CALD1: variants seen among roughly 807,000 people sequenced by gnomAD.
The protein encoded by CALD1 is caldesmon.
A neutral mutation model predicts 99.9 loss-of-function variants in CALD1; 33 were observed. That is an observed-to-expected ratio of 0.33 (90% CI 0.25 to 0.44). The LOEUF is 0.44. Among genes scored for constraint, CALD1 ranks in the 20% least tolerant of loss-of-function variants. CALD1 has a pLI of 1.00. For missense variants in CALD1, 861 were observed against 962.1 expected (o/e 0.89, Z 1.39); for synonymous variants, 310 against 325.0 (o/e 0.95, Z 0.50).
At chr7:134,728,059 G>A in the CALD1 span, among the ~76,000 whole-genome samples, 1 of 152,060 alleles carries the variant, frequency 6.6e-6, no homozygotes, top group South Asian at 2.1e-4. Context: ...CCTATTAAAT[G>A]CCAACTGATT....
chr7:134,917,708 G>A (rs1345653030), intron 3 of CALD1, among the ~76,000 whole-genome samples: 3 of 152,158 alleles, frequency 2.0e-5, no homozygotes, highest in African/African-American at 7.2e-5. Context: ...CTAGGTTGGG[G>A]ATGAAGAAAA....
At chr7:134,872,307 G>A (rs1038075188) in intron 3 of CALD1, among the ~76,000 whole-genome samples, 1 of 143,282 alleles carries the variant, frequency 7.0e-6, no homozygotes, top group Non-Finnish European at 1.5e-5. Context: ...GCAGTGAGCC[G>A]AGATTACGCC....
intron 3 of CALD1, among the ~76,000 whole-genome samples, chr7:134,900,594 C>T (rs1403147081): frequency 6.6e-6 from 1 of 152,088 alleles, no homozygotes; most frequent in African/African-American, 2.4e-5. Flanking sequence ...AAATAAGAAA[C>T]TGGGGCCCGA....
intron 12 of CALD1, 160 bp from the exon 13 acceptor site, chr7:134,960,373 A>G: frequency 1.5e-6 from 1 of 650,660 alleles, no homozygotes; most frequent in Non-Finnish European, 2.7e-6. Context: ...GTGAGTTACC[A>G]GGGAAAGAAA....
At chr7:134,855,409 T>C (rs1366009394) in intron 2 of CALD1, among the ~76,000 whole-genome samples, 2 of 152,200 alleles carry the variant, frequency 1.3e-5, no homozygotes, top group Non-Finnish European at 2.9e-5. Flanking sequence ...TTCCAAAGGA[T>C]CTCAAGAGAA....
intron 7 of CALD1, among the ~76,000 whole-genome samples, chr7:134,942,057 C>T (rs1418251169): frequency 6.6e-6 from 1 of 152,146 alleles, no homozygotes; most frequent in Non-Finnish European, 1.5e-5. Context: ...GTGCTCCTTC[C>T]CCACAAAACA....
At chr7:134,927,938 TTATAA>T (rs1398129784) in intron 3 of CALD1, 6 of 146,954 alleles carry the variant, frequency 4.1e-5, no homozygotes, top group East Asian at 1.9e-4. Flanking sequence ...ATAATATTTA[TTATAA>T]TATAATATTT....
intron 1 of CALD1, among the ~76,000 whole-genome samples, chr7:134,753,312 G>A (rs965245050): frequency 1.3e-5 from 2 of 152,048 alleles, no homozygotes; most frequent in Non-Finnish European, 2.9e-5. Context: ...AAAAAAATAG[G>A]TGTATCATCT....
chr7:134,729,272 T>C, the CALD1 span, among the ~76,000 whole-genome samples: 11 of 152,212 alleles, frequency 7.2e-5, no homozygotes, highest in African/African-American at 1.2e-4. Flanking sequence ...AGCCCTATCA[T>C]AGAGTAGTAT....
chr7:134,733,227 G>A, the CALD1 span, among the ~76,000 whole-genome samples: 4 of 152,170 alleles, frequency 2.6e-5, no homozygotes, highest in Admixed American at 2.6e-4. Flanking sequence ...CTAATGCATG[G>A]AACCCAGTGC....
At chr7:134,760,748 C>T (rs922711914) in intron 1 of CALD1, among the ~76,000 whole-genome samples, 37 of 151,974 alleles carry the variant, frequency 2.4e-4, no homozygotes, top group African/African-American at 8.5e-4. Context: ...ATAGGATGGT[C>T]GCCTACAGTG....
At chr7:134,796,933 A>T (rs1408000158) in intron 1 of CALD1, among the ~76,000 whole-genome samples, 1 of 151,900 alleles carries the variant, frequency 6.6e-6, no homozygotes, top group Admixed American at 6.6e-5. Flanking sequence ...GTTTGGAGAA[A>T]CTCTGAAACC....
At chr7:134,806,317 C>T (rs376488463) in intron 1 of CALD1, among the ~76,000 whole-genome samples, 25 of 151,206 alleles carry the variant, frequency 1.7e-4, no homozygotes, top group Admixed American at 1.1e-3. Flanking sequence ...CCCCAGCCCA[C>T]GGTTTAGCTT....
At chr7:134,715,788 T>C in the CALD1 span, among the ~76,000 whole-genome samples, 2 of 152,146 alleles carry the variant, frequency 1.3e-5, no homozygotes, top group Non-Finnish European at 2.9e-5. Context: ...ATGAAGGCCA[T>C]GTGTGGAAAA....
the CALD1 span, among the ~76,000 whole-genome samples, chr7:134,711,660 C>CTCTCTCTA: frequency 2.2e-3 from 169 of 78,246 alleles, 1 homozygote; most frequent in Middle Eastern, 5.7e-3. Flanking sequence ...CTCTCTCTCT[C>CTCTCTCTA]TATATATATA....
At chr7:134,726,509 TATACA>T in the CALD1 span, among the ~76,000 whole-genome samples, 63 of 135,470 alleles carry the variant, frequency 4.7e-4, 2 homozygotes, top group African/African-American at 1.7e-3. Flanking sequence ...AGATATATAA[TATACA>T]ATATATTATA....
At chr7:134,789,031 T>TAAAAAAAAAAAAAAAA (rs35315682) in intron 1 of CALD1, among the ~76,000 whole-genome samples, 5 of 116,808 alleles carry the variant, frequency 4.3e-5, no homozygotes, top group African/African-American at 6.7e-5. Context: ...AAACAAAAAG[T>TAAAAAAAAAAAAAAAA]AAAAAAAAAA....
At chr7:134,926,256 A>C (rs1426515402) in intron 3 of CALD1, among the ~76,000 whole-genome samples, 2 of 152,238 alleles carry the variant, frequency 1.3e-5, no homozygotes, top group Admixed American at 6.5e-5. Flanking sequence ...ACACAAGAAA[A>C]TTTAACTCTA....
At chr7:134,741,077 C>A (rs1796588088), upstream of CALD1, among the ~76,000 whole-genome samples, 1 of 152,154 alleles carries the variant, frequency 6.6e-6, no homozygotes, top group African/African-American at 2.4e-5. Context: ...GACTGATACT[C>A]CTATCCCACA....
Sources: gnomAD v4.1 joint callset for allele counts (sites outside exome capture counted in the v4.1 genomes callset) on GRCh38, gnomAD v4.1.1 for gene constraint, MANE v1.5 for transcripts, NCBI Gene and HGNC (gene_info 2026-07-23, HGNC 2026-07-21) for gene names.